Variants in PDK1 observed in about 807,000 individuals in gnomAD.
The protein encoded by PDK1 is pyruvate dehydrogenase kinase 1, also known as [Pyruvate dehydrogenase (acetyl-transferring)] kinase isozyme 1, mitochondrial.
In PDK1, 39 loss-of-function variants were observed where a neutral mutation model predicts 54.2. The observed-to-expected ratio is 0.72, with a 90% confidence interval of 0.56 to 0.94. The LOEUF (loss-of-function observed/expected upper bound fraction) is 0.94, where lower values mean the gene tolerates loss of function less well. PDK1 is among the 40% of genes least tolerant of loss of function. The probability of loss-of-function intolerance (pLI) is 0.00; values close to 1 mark genes in which losing one functional copy is unlikely to be tolerated. For missense variants in PDK1, 552 were observed against 566.0 expected, an observed-to-expected ratio of 0.98 and a Z score of 0.25; for synonymous variants, 221 against 207.1, an observed-to-expected ratio of 1.07 and a Z score of -0.58.
chr2:172,586,347 G>A lies in PDK1; in HGVS notation c.1015G>A (p.Ala339Thr), dbSNP rs2149275970. 7 of 1,612,460 alleles carry A rather than the reference G, an allele frequency of 4.3e-6. No individual in the cohort carries two copies. Among genetic ancestry groups the A allele is most frequent in the Non-Finnish European group, 5.9e-6 (7 of 1,178,738 alleles). ...DRLFNYMYSTAPRPRVETSRA... is the reference protein window; with the variant it reads ...DRLFNYMYSTTPRPRVETSRA... Reference sequence around the variant, plus strand: ...ACTTTTCAACTACATGTATTCAACTGCACCAAGACCTCGTGTTGAGACCTC... The same window carrying A: ...ACTTTTCAACTACATGTATTCAACTACACCAAGACCTCGTGTTGAGACCTC... Residue 339 changes from alanine to threonine, a missense_variant, in exon 9 of 11, where the codon GCA becomes ACA. Coordinates refer to ENST00000282077, the MANE Select transcript of PDK1 (RefSeq NM_002610.5).
chr2:172,627,126 G>T, the PDK1 span, among the ~76,000 whole-genome samples: 1 of 152,212 alleles, frequency 6.6e-6, no homozygotes, highest in Non-Finnish European at 1.5e-5. Flanking sequence ...AGATGTAGAG[G>T]ATTGAATGAT....
upstream of PDK1, chr2:172,556,035 C>G (rs548646946): frequency 1.3e-6 from 1 of 742,030 alleles, no homozygotes; most frequent in Non-Finnish European, 1.9e-6. Context: ...GGGTGGGGGC[C>G]GCGCCGGTGA....
chr2:172,669,205 G>T, the PDK1 span, among the ~76,000 whole-genome samples: 9,467 of 151,264 alleles, frequency 0.063, 998 homozygotes, highest in East Asian at 0.53. Flanking sequence ...GACTACAGGC[G>T]TCTGCCACTA....
intron 3 of PDK1, among the ~76,000 whole-genome samples, chr2:172,563,631 C>T (rs182981910): frequency 0.013 from 1,911 of 152,202 alleles, 47 homozygotes; most frequent in African/African-American, 0.043. Flanking sequence ...GTCGGGAGTT[C>T]GAGACCAGCC....
chr2:172,577,231 G>A (rs1186710348), intron 8 of PDK1, among the ~76,000 whole-genome samples: 2 of 152,048 alleles, frequency 1.3e-5, no homozygotes, highest in Non-Finnish European at 2.9e-5. Flanking sequence ...TTGTTTAAAA[G>A]TATATTTTGT....
intron 9 of PDK1, 66 bp downstream of exon 9, chr2:172,586,454 ATAAG>A (rs1484708746): frequency 7.1e-5 from 68 of 952,430 alleles, no homozygotes; most frequent in African/African-American, 1.8e-4. Context: ...TAGCTGCCAA[ATAAG>A]TAAGTTAAGC....
Position 172,596,119 on chromosome 2 carries a change from C to A in PDK1, c.*150C>A. On this transcript the variant is annotated 3_prime_UTR_variant, in exon 11 of 11. Transcript: ENST00000282077. ...AAATGGAAACTGAATTCCATTTGTG[C>A]CCGTTAAACCTCCTAAAGGATGAAA... 1 of 611,332 alleles carries A rather than the reference C, an allele frequency of 1.6e-6. No individual in the cohort carries two copies. Among genetic ancestry groups the A allele is most frequent in the Admixed American group, 3.1e-5 (1 of 32,398 alleles). The allele number at this position is 611,332 out of a possible 1,614,324, so 37.9% of individuals were successfully genotyped here. A position where few individuals can be genotyped will look rare whatever the true frequency, so the allele number is the denominator to read the frequency against.
rs1339768359 is a variant in PDK1, at chr2:172,602,386, A to G, written c.*6417A>G. The G allele has an allele frequency of 1.3e-5, 2 of 152,220 alleles. No individual in the cohort carries two copies. The highest frequency in any genetic ancestry group is 4.8e-5 in the African/African-American group (2 of 41,454). 9.4% of individuals were successfully genotyped at this position (152,220 alleles called of 1,614,324 possible). A position where few individuals can be genotyped will look rare whatever the true frequency, so the allele number is the denominator to read the frequency against. Reference sequence around the variant, plus strand: ...TAAAGGAGAAAAACTATATGATCACATCAACAGAAACAGGAAATTCAGTTT... The same window carrying G: ...TAAAGGAGAAAAACTATATGATCACGTCAACAGAAACAGGAAATTCAGTTT... On this transcript the variant is annotated 3_prime_UTR_variant, in exon 11 of 11. Transcript: ENST00000282077.
At chr2:172,639,351 A>G in the PDK1 span, among the ~76,000 whole-genome samples, 1 of 152,214 alleles carries the variant, frequency 6.6e-6, no homozygotes, top group South Asian at 2.1e-4. Context: ...CACTCTCCAA[A>G]GGGTCTGGCT....
At chr2:172,633,867 A>ATTTTTTTTTTTTT in the PDK1 span, among the ~76,000 whole-genome samples, 1 of 68,834 alleles carries the variant, frequency 1.5e-5, no homozygotes, top group Non-Finnish European at 2.4e-5. Context: ...TTAGTCTATG[A>ATTTTTTTTTTTTT]TTTTTTTTTT....
the PDK1 span, chr2:172,723,124 AAAG>A: frequency 1.3e-5 from 2 of 152,148 alleles, no homozygotes; most frequent in African/African-American, 4.8e-5. Flanking sequence ...AGAAAGAAAC[AAAG>A]AATAGGAAAC....
In PDK1 at chr2:172,564,816, T is replaced by C. The variant is rs1688847681; in HGVS notation, c.595+129T>C. The C allele has an allele frequency of 2.1e-5, 19 of 886,632 alleles. 1 individual carries two copies. In the South Asian group the frequency reaches 2.8e-4, roughly 13 times the overall value. The allele number at this position is 886,632 out of a possible 1,614,324, so 54.9% of individuals were successfully genotyped here. A position where few individuals can be genotyped will look rare whatever the true frequency, so the allele number is the denominator to read the frequency against. On this transcript the variant is annotated intron_variant, in intron 4 of 10. Coordinates refer to ENST00000282077, the MANE Select transcript of PDK1 (RefSeq NM_002610.5). ...CTTTTGGCTAATTAAGAAAAATAAA[T>C]AGACTGCCATCAAGAAAGGTGTTTT...
chr2:172,591,603 C>T lies in PDK1; in HGVS notation c.1057-1332C>T, dbSNP rs118073244. Among the ~76,000 whole-genome samples the T allele has an allele frequency of 2.2e-3, 334 of 152,250 alleles. 15 individuals are homozygous for T. The East Asian group carries it at 0.063, about 29-fold the overall frequency. Reference sequence around the variant, plus strand: ...CTGTTCCGGTTCCTGTAGCAGTGGCCATTTCTAACTCTGTAAGTAGGGGTA... The same window carrying T: ...CTGTTCCGGTTCCTGTAGCAGTGGCTATTTCTAACTCTGTAAGTAGGGGTA... On this transcript the variant is annotated intron_variant, in intron 9 of 10. Coordinates refer to ENST00000282077, the MANE Select transcript of PDK1 (RefSeq NM_002610.5).
At chr2:172,587,260 C>T (rs1690286036) in intron 9 of PDK1, among the ~76,000 whole-genome samples, 1 of 152,214 alleles carries the variant, frequency 6.6e-6, no homozygotes, top group Non-Finnish European at 1.5e-5. Context: ...TCAGATGTGT[C>T]TGGAGTTTCT....
intron 10 of PDK1, 111 bp from the exon 11 acceptor site, chr2:172,595,718 C>T (rs1297568762): frequency 1.3e-6 from 1 of 774,954 alleles, no homozygotes; most frequent in Non-Finnish European, 2.1e-6. Context: ...TAATAAGATA[C>T]TAATAGAATA....
At chr2:172,658,346 TCTTA>T in the PDK1 span, among the ~76,000 whole-genome samples, 1 of 152,222 alleles carries the variant, frequency 6.6e-6, no homozygotes, top group South Asian at 2.1e-4. Context: ...CTTACGCCTG[TCTTA>T]CTTTAATCTC....
chr2:172,586,345 C>T lies in PDK1; in HGVS notation c.1013C>T (p.Thr338Ile). Residue 338 changes from threonine (T) to isoleucine (I), a missense_variant, in exon 9 of 11, where the codon ACT (threonine) becomes ATT (isoleucine). Coordinates refer to ENST00000282077, the MANE Select transcript of PDK1 (RefSeq NM_002610.5). ...AGACTTTTCAACTACATGTATTCAA[C>T]TGCACCAAGACCTCGTGTTGAGACC... is the stretch of plus-strand genomic sequence containing the variant. ...IDRLFNYMYS[T>I]APRPRVETSR... The T allele has an allele frequency of 6.2e-7, 1 of 1,612,880 alleles. No homozygotes were observed. The highest frequency in any genetic ancestry group is 8.5e-7 in the Non-Finnish European group (1 of 1,179,038).
intron 8 of PDK1, among the ~76,000 whole-genome samples, chr2:172,584,320 A>T (rs1200000665): frequency 6.6e-6 from 1 of 151,900 alleles, no homozygotes; most frequent in Non-Finnish European, 1.5e-5. Flanking sequence ...ATCATTTCAG[A>T]CCTTTTTATA....
the PDK1 span, among the ~76,000 whole-genome samples, chr2:172,671,687 C>T: frequency 1.3e-3 from 204 of 152,118 alleles, 2 homozygotes; most frequent in South Asian, 0.012. Context: ...TAAATCTGAG[C>T]ACACGTGAGT....
Sources: allele counts gnomAD v4.1 joint callset (sites outside exome capture counted in the v4.1 genomes callset), GRCh38; gene constraint gnomAD v4.1.1; transcripts MANE v1.5; gene names NCBI Gene and HGNC (gene_info 2026-07-23, HGNC 2026-07-21).